PPP4R4: variants seen among roughly 807,000 people sequenced by gnomAD.
PPP4R4 encodes protein phosphatase 4 regulatory subunit 4.
A neutral mutation model predicts 121.8 loss-of-function variants in PPP4R4; 70 were observed. The observed-to-expected ratio is 0.57, with a 90% confidence interval of 0.47 to 0.70. The LOEUF is 0.70. Among genes scored for constraint, PPP4R4 ranks in the 30% least tolerant of loss-of-function variants. The pLI, the probability that PPP4R4 is intolerant of heterozygous loss-of-function variation, is 0.00. For synonymous variants in PPP4R4, 348 were observed against 355.7 expected (o/e 0.98, Z 0.24); for missense variants, 875 against 1,033.6 (o/e 0.85, Z 2.10).
intron 24 of PPP4R4, 121 bp from the exon 25 acceptor site, chr14:94,278,497 AT>A: frequency 4.3e-6 from 2 of 461,944 alleles, no homozygotes; most frequent in Non-Finnish European, 7.4e-6. Flanking sequence ...GTATCTATAT[AT>A]TTTTAATTTA....
At chr14:94,242,123 A>G (rs1333877184) in intron 10 of PPP4R4, among the ~76,000 whole-genome samples, 166 bp downstream of exon 10, 2 of 152,138 alleles carry the variant, frequency 1.3e-5, no homozygotes, top group East Asian at 1.9e-4. Flanking sequence ...ATCTCTACGT[A>G]TAAATCAGAA....
intron 3 of PPP4R4, among the ~76,000 whole-genome samples, chr14:94,225,483 C>T (rs1424845164): frequency 6.6e-6 from 1 of 152,140 alleles, no homozygotes; most frequent in Admixed American, 6.5e-5. Flanking sequence ...ATAGACTGTC[C>T]TTTGCAGGGG....
At chr14:94,174,725 C>T in intron 1 of PPP4R4, 143 bp downstream of exon 1, 3 of 1,410,638 alleles carry the variant, frequency 2.1e-6, no homozygotes, top group South Asian at 1.5e-5. Flanking sequence ...CCTCCTCCTC[C>T]ACCCCTCTTG....
chr14:94,269,359 G>A (rs192697583), intron 23 of PPP4R4, among the ~76,000 whole-genome samples: 1 of 152,184 alleles, frequency 6.6e-6, no homozygotes, highest in Admixed American at 6.5e-5. Flanking sequence ...TGTGGAGTGA[G>A]TATAATGGAG....
At chr14:94,198,895 C>T (rs144662016) in intron 2 of PPP4R4, among the ~76,000 whole-genome samples, 20 of 152,274 alleles carry the variant, frequency 1.3e-4, no homozygotes, top group African/African-American at 3.8e-4. Context: ...CAGTATTGCA[C>T]GACATTGTCT....
chr14:94,187,130 G>A (rs1289285826), intron 2 of PPP4R4, among the ~76,000 whole-genome samples: 1 of 152,082 alleles, frequency 6.6e-6, no homozygotes, highest in Non-Finnish European at 1.5e-5. Context: ...TGGCCAACAT[G>A]GTGAAACCCT....
Position 94,190,654 on chromosome 14 carries a change from A to G in PPP4R4, c.191+14527A>G, listed in dbSNP as rs12432761. On this transcript the variant is annotated intron_variant, in intron 2 of 24. Coordinates refer to ENST00000304338, the MANE Select transcript of PPP4R4 (RefSeq NM_058237.2). The stretch of plus-strand genomic sequence containing the variant: ...TAGAAAGTATTTTAAAGGAATTTTT[A>G]CTGCTATTTGTTAATGAGGAAATAG... Among the ~76,000 whole-genome samples the G allele has an allele frequency of 3.4e-3, 513 of 152,208 alleles. 4 individuals carry two copies. Among genetic ancestry groups the G allele is most frequent in the African/African-American group, 0.012 (495 of 41,510 alleles).
chr14:94,234,753 A>G (rs1892237586), intron 7 of PPP4R4, 84 bp downstream of exon 7: 5 of 931,342 alleles, frequency 5.4e-6, no homozygotes, highest in South Asian at 4.3e-5. Flanking sequence ...AATGATCATA[A>G]CAAGTACCTC....
rs373039028 is a variant in PPP4R4, at chr14:94,250,255, G to A, written c.1695G>A (p.Glu565=). ...RYNRKQEQRH[E]VIQKLIEQLG... ...ATCGTAAACAAGAACAGAGACATGA[G>A]GTCATTCAAAAATTAATTGAACGTA... is the stretch of plus-strand genomic sequence containing the variant. The change falls in exon 15 of 25, where the codon GAG becomes GAA. Residue 565 remains glutamate, a synonymous_variant. Coordinates refer to ENST00000304338, the MANE Select transcript of PPP4R4 (RefSeq NM_058237.2). 4 of 1,607,088 alleles carry A rather than the reference G, an allele frequency of 2.5e-6. No individual in the cohort carries two copies. The African/African-American group carries it at 5.4e-5, about 22-fold the overall frequency.
intron 5 of PPP4R4, 117 bp from the exon 6 acceptor site, chr14:94,233,536 G>T: frequency 1.6e-6 from 1 of 630,122 alleles, no homozygotes; most frequent in Non-Finnish European, 2.8e-6. Flanking sequence ...ACCTCAAATC[G>T]TAATTCAGGT....
At chr14:94,212,038 G>C (rs1890768786) in intron 3 of PPP4R4, among the ~76,000 whole-genome samples, 1 of 152,176 alleles carries the variant, frequency 6.6e-6, no homozygotes, top group African/African-American at 2.4e-5. Context: ...TATGCAAGAA[G>C]TTAATCAATA....
At chr14:94,220,530 G>C (rs778718108) in intron 3 of PPP4R4, among the ~76,000 whole-genome samples, 4 of 151,984 alleles carry the variant, frequency 2.6e-5, no homozygotes, top group Admixed American at 6.5e-5. Flanking sequence ...GAACTTCCAA[G>C]CGAGTATAGA....
chr14:94,265,718 G>T (rs1026649770), intron 21 of PPP4R4, 76 bp from the exon 22 acceptor site: 2 of 1,082,362 alleles, frequency 1.8e-6, no homozygotes, highest in African/African-American at 3.2e-5. Flanking sequence ...AATGATGGTA[G>T]TTGGGGAGGG....
intron 1 of PPP4R4, among the ~76,000 whole-genome samples, chr14:94,175,093 A>G (rs977612616): frequency 1.4e-5 from 2 of 147,408 alleles, no homozygotes; most frequent in Non-Finnish European, 3.0e-5. Context: ...AGGCCCACCC[A>G]TCGGTCCACA....
chr14:94,271,986 AC>A (rs1894360030), intron 23 of PPP4R4, among the ~76,000 whole-genome samples: 1 of 152,178 alleles, frequency 6.6e-6, no homozygotes, highest in Non-Finnish European at 1.5e-5. Flanking sequence ...TATAAGGAAA[AC>A]TACAAAATTC....
At chr14:94,232,786 C>T (rs1304545396) in intron 5 of PPP4R4, among the ~76,000 whole-genome samples, 1 of 151,960 alleles carries the variant, frequency 6.6e-6, no homozygotes, top group Non-Finnish European at 1.5e-5. Flanking sequence ...GGGCTGGGCG[C>T]GGTGGCTCAC....
chr14:94,247,737 G>T (rs912545311), intron 14 of PPP4R4, among the ~76,000 whole-genome samples: 4 of 152,160 alleles, frequency 2.6e-5, no homozygotes, highest in Admixed American at 2.6e-4. Context: ...CTTCATTCCT[G>T]CAATGTGAGG....
At position 94,241,969 on chromosome 14, in the gene PPP4R4, GTATTTA is replaced by G; in HGVS notation, c.1146+19_1146+24del. 6.4e-7 allele frequency: 1 copy of G among 1,555,954 alleles called. No individual in the cohort carries two copies. Among genetic ancestry groups the G allele is most frequent in the African/African-American group, 1.4e-5 (1 of 72,366 alleles). On this transcript the variant is annotated intron_variant, in intron 10 of 24. Transcript: ENST00000304338. Reference sequence around the variant, plus strand: ...CTTATAACTTTCCGGTAATAAATATGTATTTATATTTACTGAGGATTTTTATTATAA... The same window carrying G: ...CTTATAACTTTCCGGTAATAAATATGTATTTACTGAGGATTTTTATTATAA...
intron 3 of PPP4R4, among the ~76,000 whole-genome samples, chr14:94,219,962 G>T (rs1257832346): frequency 2.0e-5 from 3 of 152,144 alleles, no homozygotes; most frequent in Non-Finnish European, 4.4e-5. Context: ...GGTGGCTCAC[G>T]CCTGTAATCC....
Sources: allele counts gnomAD v4.1 joint callset (sites outside exome capture counted in the v4.1 genomes callset), GRCh38; gene constraint gnomAD v4.1.1; transcripts MANE v1.5; gene names NCBI Gene and HGNC (gene_info 2026-07-23, HGNC 2026-07-21).